ROBO1: variants seen among roughly 807,000 people sequenced by gnomAD.
ROBO1 encodes roundabout homolog 1.
Under a neutral mutation model 195.9 loss-of-function variants are expected in ROBO1, and 149 were observed. The observed-to-expected ratio is 0.76, with a 90% CI of 0.67 to 0.87. The LOEUF is 0.87. Ranked by LOEUF, ROBO1 falls within the 40% of genes least tolerant of loss-of-function variation. The probability of loss-of-function intolerance (pLI) is 0.00; values close to 1 mark genes in which losing one functional copy is unlikely to be tolerated. For missense variants in ROBO1, 1,933 were observed against 2,068.3 expected (o/e 0.93, Z 1.27); for synonymous variants, 816 against 733.2 (o/e 1.11, Z -1.82).
chr3:79,510,573 G>T (rs2107539179), intron 2 of ROBO1, among the ~76,000 whole-genome samples: 1 of 149,200 alleles, frequency 6.7e-6, no homozygotes. Context: ...TTTTGAAAGG[G>T]TCAAGTTGGA....
intron 2 of ROBO1, among the ~76,000 whole-genome samples, chr3:79,395,843 A>G (rs1343619350): frequency 6.6e-6 from 1 of 152,014 alleles, no homozygotes; most frequent in Non-Finnish European, 1.5e-5. Flanking sequence ...CAATGGATAC[A>G]CAGTTTTTTT....
At chr3:79,600,250 A>C (rs372760657) in intron 1 of ROBO1, among the ~76,000 whole-genome samples, 2 of 152,056 alleles carry the variant, frequency 1.3e-5, no homozygotes, top group South Asian at 4.1e-4. Flanking sequence ...ATGGAAGTAC[A>C]CATCAATAAC....
At chr3:79,369,519 G>T (rs555137215) in intron 2 of ROBO1, among the ~76,000 whole-genome samples, 1 of 152,136 alleles carries the variant, frequency 6.6e-6, no homozygotes, top group Admixed American at 6.5e-5. Context: ...CAAGTACAAT[G>T]AGAAAACACC....
At chr3:79,637,942 T>C (rs1427360172) in intron 1 of ROBO1, among the ~76,000 whole-genome samples, 1 of 152,180 alleles carries the variant, frequency 6.6e-6, no homozygotes, top group African/African-American at 2.4e-5. Flanking sequence ...GGATGGTTAG[T>C]ATAAAGTGAA....
intron 2 of ROBO1, among the ~76,000 whole-genome samples, chr3:79,445,310 G>T (rs1005464072): frequency 2.0e-5 from 3 of 151,440 alleles, no homozygotes; most frequent in Admixed American, 1.3e-4. Flanking sequence ...ACCCCAGACT[G>T]AACATTTAAA....
chr3:78,617,901 G>A lies in ROBO1; in HGVS notation c.4016C>T (p.Ala1339Val), dbSNP rs1704220308. 1 of 1,613,984 alleles carries A rather than the reference G, an allele frequency of 6.2e-7. No individual in the cohort carries two copies. The highest frequency in any genetic ancestry group is 8.5e-7 in the Non-Finnish European group (1 of 1,179,874). The change falls in exon 27 of 31, where the codon GCC (alanine) becomes GTC (valine). Residue 1339 changes from alanine (A) to valine (V), a missense_variant. Ala to Val is a moderately conservative substitution (Grantham distance 64). Around this residue, in one of 3 missense-constraint regions of ROBO1, gnomAD observed 1,737 missense variants for 1,882.5 expected, o/e 0.92. Transcript: ENST00000464233. ...EEEDEADMEVAKMQTRRLLLR... is the reference protein window; with the variant it reads ...EEEDEADMEVVKMQTRRLLLR... ...CAAAAGCCTTCTGGTTTGCATCTTG[G>A]CTACCTCCATGTCGGCTTCGTCTTC...
chr3:79,709,842 C>T (rs1183567426), intron 1 of ROBO1, among the ~76,000 whole-genome samples: 1 of 152,138 alleles, frequency 6.6e-6, no homozygotes, highest in Non-Finnish European at 1.5e-5. Flanking sequence ...AGAGAGCTAG[C>T]TGCCTTGCCC....
At chr3:78,713,876 C>A (rs190863688) in intron 8 of ROBO1, among the ~76,000 whole-genome samples, 2 of 152,346 alleles carry the variant, frequency 1.3e-5, no homozygotes, top group African/African-American at 4.8e-5. Context: ...TGTTATGATG[C>A]AGGCACTCTG....
intron 3 of ROBO1, among the ~76,000 whole-genome samples, chr3:78,951,453 C>A (rs761517242): frequency 1.3e-5 from 2 of 151,992 alleles, no homozygotes; most frequent in Non-Finnish European, 2.9e-5. Context: ...TTGGCAGAAC[C>A]AACTTCCAGG....
intron 2 of ROBO1, among the ~76,000 whole-genome samples, chr3:79,373,563 G>T (rs1159752308): frequency 6.6e-6 from 1 of 152,072 alleles, no homozygotes; most frequent in Admixed American, 6.6e-5. Flanking sequence ...ATTCTACAGA[G>T]AACAATAAAT....
chr3:79,295,479 G>A (rs1360637226), intron 2 of ROBO1, among the ~76,000 whole-genome samples: 1 of 152,090 alleles, frequency 6.6e-6, no homozygotes, highest in Non-Finnish European at 1.5e-5. Context: ...AATAGCATTA[G>A]GAGAAATACC....
intron 4 of ROBO1, among the ~76,000 whole-genome samples, chr3:78,747,765 T>G (rs2082692354): frequency 6.6e-6 from 1 of 152,196 alleles, no homozygotes; most frequent in Non-Finnish European, 1.5e-5. Flanking sequence ...ATTTTGTAAC[T>G]GTTAGAATTA....
intron 1 of ROBO1, among the ~76,000 whole-genome samples, chr3:79,694,683 C>T (rs1374707724): frequency 5.9e-5 from 9 of 151,718 alleles, no homozygotes; most frequent in Non-Finnish European, 5.9e-5. Context: ...TTCTAGATTA[C>T]ATCTTTTTAA....
At position 79,747,800 on chromosome 3, in the gene ROBO1, G is replaced by T. The variant is rs570702436; in HGVS notation, c.-51+19952C>A. 2.0e-5 allele frequency among the ~76,000 whole-genome samples: 3 copies of T among 152,034 alleles called. No homozygotes were observed. In the South Asian group the frequency reaches 6.2e-4, roughly 32 times the overall value. Reference sequence around the variant, plus strand: ...CAGGAAAATGAAAATGTGTGTCAAAGCTGGAGGAAATATGCAATGAAAAAT... The same window carrying T: ...CAGGAAAATGAAAATGTGTGTCAAATCTGGAGGAAATATGCAATGAAAAAT... On this transcript the variant is annotated intron_variant, in intron 1 of 30. Coordinates refer to ENST00000464233, the MANE Select transcript of ROBO1 (RefSeq NM_002941.4).
intron 2 of ROBO1, among the ~76,000 whole-genome samples, chr3:79,288,043 T>G (rs935940217): frequency 6.6e-6 from 1 of 152,160 alleles, no homozygotes; most frequent in Non-Finnish European, 1.5e-5. Flanking sequence ...AAGATTCAGT[T>G]AACTCTCTAT....
intron 3 of ROBO1, among the ~76,000 whole-genome samples, chr3:79,054,482 C>A (rs534279843): frequency 6.6e-6 from 1 of 152,032 alleles, no homozygotes; most frequent in African/African-American, 2.4e-5. Flanking sequence ...TACCTGATCA[C>A]GAGGTGTTAC....
Position 79,035,145 on chromosome 3 carries a change from G to A in ROBO1, c.172+90311C>T, listed in dbSNP as rs544426526. ...CCTAAATTTAAAATGTTTTCAGTAT[G>A]TTTATATTTATTTTTATTGAAAAAT... On this transcript the variant is annotated intron_variant, in intron 3 of 30. Coordinates refer to ENST00000464233, the MANE Select transcript of ROBO1 (RefSeq NM_002941.4). Among the ~76,000 whole-genome samples, 903 of 151,924 alleles carry A rather than the reference G, an allele frequency of 5.9e-3. 7 individuals are homozygous for A. The highest frequency in any genetic ancestry group is 7.5e-3 in the Non-Finnish European group (507 of 67,950).
At chr3:79,351,964 A>G (rs1346427952) in intron 2 of ROBO1, among the ~76,000 whole-genome samples, 1 of 152,188 alleles carries the variant, frequency 6.6e-6, no homozygotes, top group Admixed American at 6.5e-5. Context: ...TCTTTGCAAT[A>G]AAAATAAGCT....
intron 4 of ROBO1, among the ~76,000 whole-genome samples, chr3:78,835,213 A>C (rs919062962): frequency 6.6e-6 from 1 of 152,194 alleles, no homozygotes; most frequent in African/African-American, 2.4e-5. Context: ...TCTGTGAGTA[A>C]TGTCATTACA....
Sources: allele counts gnomAD v4.1 joint callset (sites outside exome capture counted in the v4.1 genomes callset), GRCh38; gene constraint gnomAD v4.1.1; regional missense constraint gnomAD v4.1.1; transcripts MANE v1.5; gene names NCBI Gene and HGNC (gene_info 2026-07-23, HGNC 2026-07-21).